Variants in GMDS observed in about 807,000 individuals in gnomAD.
GMDS encodes GDP-mannose 4,6-dehydratase.
A neutral mutation model predicts 49.9 loss-of-function variants in GMDS; 20 were observed. The ratio of observed to expected loss-of-function variants is 0.40; its 90% CI spans 0.28 to 0.58. The LOEUF is 0.58. Among genes scored for constraint, GMDS ranks in the 20% least tolerant of loss-of-function variants. GMDS has a pLI of 0.42. For missense variants in GMDS, 362 were observed against 481.4 expected, an observed-to-expected ratio of 0.75 and a Z score of 2.32; for synonymous variants, 177 against 178.6, an observed-to-expected ratio of 0.99 and a Z score of 0.07.
At chr6:2,210,739 C>T (rs1780026821) in intron 1 of GMDS, among the ~76,000 whole-genome samples, 1 of 152,170 alleles carries the variant, frequency 6.6e-6, no homozygotes, top group African/African-American at 2.4e-5. Flanking sequence ...GGGTCTACAC[C>T]CACCCTCTGC....
intron 1 of GMDS, among the ~76,000 whole-genome samples, chr6:2,235,056 T>C (rs1581840185): frequency 6.6e-6 from 1 of 151,494 alleles, no homozygotes; most frequent in Non-Finnish European, 1.5e-5. Context: ...ACCTGGGAGG[T>C]GGAGGTTGCT....
intron 9 of GMDS, among the ~76,000 whole-genome samples, chr6:1,714,491 G>A (rs1289255093): frequency 3.3e-5 from 5 of 151,876 alleles, no homozygotes; most frequent in Non-Finnish European, 7.4e-5. Context: ...TTGGTTCCAC[G>A]ATACCAATAC....
At chr6:1,953,830 A>T (rs1006151477) in intron 6 of GMDS, among the ~76,000 whole-genome samples, 6 of 152,272 alleles carry the variant, frequency 3.9e-5, no homozygotes, top group South Asian at 2.1e-4. Flanking sequence ...TTAAATAATT[A>T]AAAAAACCTC....
chr6:2,002,326 C>T (rs561378455), intron 4 of GMDS, among the ~76,000 whole-genome samples: 14 of 152,280 alleles, frequency 9.2e-5, no homozygotes, highest in African/African-American at 3.4e-4. Flanking sequence ...AGTTATGTAT[C>T]AGGTGGTGGC....
chr6:1,724,601 C>G (rs924412460), intron 9 of GMDS, among the ~76,000 whole-genome samples: 5 of 152,218 alleles, frequency 3.3e-5, no homozygotes, highest in African/African-American at 4.8e-5. Flanking sequence ...ATTTCCTTCT[C>G]TGAGATGACC....
chr6:1,920,314 A>G (rs1761652577), intron 7 of GMDS, among the ~76,000 whole-genome samples: 1 of 152,238 alleles, frequency 6.6e-6, no homozygotes, highest in African/African-American at 2.4e-5. Context: ...TCTCCACCAG[A>G]GCTCTGCAAA....
intron 7 of GMDS, among the ~76,000 whole-genome samples, chr6:1,846,524 G>T (rs1022648393): frequency 6.6e-6 from 1 of 152,190 alleles, no homozygotes. Context: ...TCTCTCCATT[G>T]ATAGGAAAGA....
chr6:1,988,834 T>C (rs1765733671), intron 4 of GMDS, among the ~76,000 whole-genome samples: 1 of 150,238 alleles, frequency 6.7e-6, no homozygotes, highest in African/African-American at 2.5e-5. Context: ...AGGATATAGA[T>C]AAATGGTTTG....
At chr6:1,893,479 C>A (rs1299061003) in intron 7 of GMDS, among the ~76,000 whole-genome samples, 1 of 152,202 alleles carries the variant, frequency 6.6e-6, no homozygotes, top group African/African-American at 2.4e-5. Flanking sequence ...AGCCACTGCA[C>A]CCGGCCCATC....
chr6:1,808,795 A>C (rs1171821715), intron 7 of GMDS, among the ~76,000 whole-genome samples: 1 of 152,250 alleles, frequency 6.6e-6, no homozygotes, highest in Non-Finnish European at 1.5e-5. Flanking sequence ...TCCATTACTT[A>C]CTAAACTGAA....
At chr6:1,989,918 G>A (rs1301377204) in intron 4 of GMDS, among the ~76,000 whole-genome samples, 1 of 152,228 alleles carries the variant, frequency 6.6e-6, no homozygotes, top group Non-Finnish European at 1.5e-5. Context: ...TTAGTACTTT[G>A]GTTTCTTCAT....
intron 1 of GMDS, among the ~76,000 whole-genome samples, chr6:2,183,585 G>C (rs865815439): frequency 2.0e-5 from 3 of 152,204 alleles, no homozygotes; most frequent in Non-Finnish European, 4.4e-5. Context: ...CATAAACTTA[G>C]TTGATAAATT....
chr6:1,633,404 A>G (rs1200690661), intron 9 of GMDS, among the ~76,000 whole-genome samples: 1 of 152,200 alleles, frequency 6.6e-6, no homozygotes, highest in Non-Finnish European at 1.5e-5. Flanking sequence ...GCCTTGGAGA[A>G]GCAAACGTGG....
chr6:2,090,035 A>G (rs1773229583), intron 4 of GMDS, among the ~76,000 whole-genome samples: 1 of 152,236 alleles, frequency 6.6e-6, no homozygotes, highest in South Asian at 2.1e-4. Flanking sequence ...TGTCCTCAAG[A>G]TCAAAACAGC....
At position 1,916,122 on chromosome 6, in the gene GMDS, T is replaced by C. The variant is rs1286351043; in HGVS notation, c.771+13981A>G. Among the ~76,000 whole-genome samples the C allele has an allele frequency of 3.3e-5, 5 of 152,248 alleles. No homozygotes were observed. In the East Asian group the frequency reaches 9.6e-4, roughly 29 times the overall value. ...TTAAGCATTTTTCAATATACAATCA[T>C]GGTTTTTACGTAGTTTAGCCCTTTA... On this transcript the variant is annotated intron_variant, in intron 7 of 10. Transcript: ENST00000380815.
At chr6:1,735,804 T>G (rs953284267) in intron 8 of GMDS, among the ~76,000 whole-genome samples, 7 of 152,248 alleles carry the variant, frequency 4.6e-5, no homozygotes, top group African/African-American at 1.7e-4. Context: ...ATAATAAATT[T>G]GCACAATGTC....
chr6:2,017,639 T>G (rs962258691), intron 4 of GMDS, among the ~76,000 whole-genome samples: 9 of 152,096 alleles, frequency 5.9e-5, no homozygotes, highest in Non-Finnish European at 7.4e-5. Context: ...ACATAGGAAT[T>G]AGGAGTGCCA....
In GMDS at chr6:2,030,164, G is replaced by T. The variant is rs537624298; in HGVS notation, c.346-69198C>A. On this transcript the variant is annotated intron_variant, in intron 4 of 10. Coordinates refer to ENST00000380815, the MANE Select transcript of GMDS (RefSeq NM_001500.4). ...GACAGATCCATCACTGCTGGTTACT[G>T]TCCATCTCCTCCACAAGAGTCTGTG... is the stretch of plus-strand genomic sequence containing the variant. Among the ~76,000 whole-genome samples the T allele has an allele frequency of 5.9e-5, 9 of 152,296 alleles. No individual in the cohort carries two copies. In the East Asian group the frequency reaches 1.7e-3, roughly 29 times the overall value.
intron 8 of GMDS, among the ~76,000 whole-genome samples, chr6:1,738,014 A>T (rs1338080206): frequency 2.9e-4 from 20 of 69,316 alleles, no homozygotes; most frequent in African/African-American, 1.3e-3. Context: ...ACAGACACAC[A>T]TACACACATA....
Sources: gnomAD v4.1 joint callset for allele counts (sites outside exome capture counted in the v4.1 genomes callset) on GRCh38, gnomAD v4.1.1 for gene constraint, MANE v1.5 for transcripts, NCBI Gene and HGNC (gene_info 2026-07-23, HGNC 2026-07-21) for gene names.